Variants in ASB3 observed in about 807,000 individuals in gnomAD.
ASB3 encodes the protein ankyrin repeat and SOCS box protein 3.
ASB3 carries 41 observed loss-of-function variants against 54.5 expected under a neutral mutation model. The ratio of observed to expected loss-of-function variants is 0.75; its 90% CI spans 0.59 to 0.98. The LOEUF is 0.98. Among genes scored for constraint, ASB3 ranks in the 50% least tolerant of loss-of-function variants. The probability of loss-of-function intolerance (pLI) is 0.00; values close to 1 mark genes in which losing one functional copy is unlikely to be tolerated. For missense variants in ASB3, 733 were observed against 620.0 expected, an observed-to-expected ratio of 1.18 and a Z score of -1.94; for synonymous variants, 266 against 221.2, an observed-to-expected ratio of 1.20 and a Z score of -1.80.
chr2:53,674,910 G>A (rs1042187031), intron 9 of ASB3, among the ~76,000 whole-genome samples: 4 of 151,992 alleles, frequency 2.6e-5, no homozygotes, highest in African/African-American at 9.7e-5. Context: ...AAAACAATAG[G>A]AATGGCCAGT....
chr2:53,767,796 G>A (rs990858760), intron 1 of ASB3: 19 of 1,489,510 alleles, frequency 1.3e-5, no homozygotes, highest in Admixed American at 4.4e-5. Flanking sequence ...CGCCCCGCGC[G>A]GCCGGTTACT....
chr2:53,706,430 G>C (rs376909082), intron 7 of ASB3, among the ~76,000 whole-genome samples: 1 of 152,098 alleles, frequency 6.6e-6, no homozygotes, highest in East Asian at 1.9e-4. Flanking sequence ...CTTTAAAAAG[G>C]AGTCAAAAGG....
chr2:53,712,904 A>G (rs1670186769), intron 7 of ASB3, among the ~76,000 whole-genome samples: 1 of 152,260 alleles, frequency 6.6e-6, no homozygotes, highest in African/African-American at 2.4e-5. Flanking sequence ...AAGGTCAACT[A>G]AAGTAATTAG....
rs112777697 is a variant in ASB3 at position 53,696,639 on chromosome 2, T to C, written c.1239-2625A>G. On this transcript the variant is annotated intron_variant, in intron 8 of 9. Coordinates refer to ENST00000263634, the MANE Select transcript of ASB3 (RefSeq NM_016115.5). ...ATTAAGGATTACTAAAATTGAGTAA[T>C]AGAACTATAGATAGCCCTCCACATC... Among the ~76,000 whole-genome samples the C allele has an allele frequency of 4.6e-3, 706 of 152,216 alleles. 9 individuals are homozygous for C. The highest frequency in any genetic ancestry group is 0.016 in the African/African-American group (674 of 41,526).
chr2:53,732,454 A>G lies in ASB3; in HGVS notation c.356-2884T>C, dbSNP rs139644009. On this transcript the variant is annotated intron_variant, in intron 3 of 9. Transcript: ENST00000263634. ...TGACTGTTAGCAAAAATCATTCTAT[A>G]GCCAGTCCATGACTTGAAGATTATC... Among the ~76,000 whole-genome samples the G allele has an allele frequency of 2.4e-3, 359 of 152,368 alleles. 4 individuals are homozygous for G. Among genetic ancestry groups the G allele is most frequent in the African/African-American group, 8.4e-3 (350 of 41,590 alleles).
chr2:53,716,809 A>C, intron 5 of ASB3, 66 bp from the exon 6 acceptor site: 1 of 1,503,580 alleles, frequency 6.7e-7, no homozygotes, highest in Non-Finnish European at 8.9e-7. Flanking sequence ...CACAAATTTC[A>C]AAGGAACTAC....
intron 7 of ASB3, among the ~76,000 whole-genome samples, chr2:53,704,537 C>A (rs1669666985): frequency 6.6e-6 from 1 of 152,034 alleles, no homozygotes; most frequent in Non-Finnish European, 1.5e-5. Context: ...TAACCAAAAA[C>A]ATATTTTTCA....
At chr2:53,725,015 C>T (rs1041772142) in intron 5 of ASB3, among the ~76,000 whole-genome samples, 10 of 152,158 alleles carry the variant, frequency 6.6e-5, no homozygotes, top group African/African-American at 2.4e-4. Flanking sequence ...ATAGCAAAGA[C>T]ATGGAATCAA....
chr2:53,783,263 G>C (rs1376983077), intron 1 of ASB3, among the ~76,000 whole-genome samples: 2 of 151,968 alleles, frequency 1.3e-5, no homozygotes, highest in African/African-American at 4.8e-5. Context: ...TAGAAACTGT[G>C]GGGAAAAAAC....
chr2:53,681,754 TA>T (rs1558513270), intron 9 of ASB3, among the ~76,000 whole-genome samples: 1 of 152,194 alleles, frequency 6.6e-6, no homozygotes. Context: ...CTGTTTTAGT[TA>T]CTATGGCTTT....
chr2:53,698,838 T>A (rs1362240136), intron 8 of ASB3, among the ~76,000 whole-genome samples: 1 of 152,172 alleles, frequency 6.6e-6, no homozygotes, highest in Non-Finnish European at 1.5e-5. Flanking sequence ...CCCTTAACAC[T>A]CCATTTACGG....
chr2:53,703,491 T>C (rs984705907), intron 7 of ASB3, among the ~76,000 whole-genome samples: 7 of 152,260 alleles, frequency 4.6e-5, no homozygotes, highest in Non-Finnish European at 7.4e-5. Context: ...TGGGGCACCT[T>C]AGGAGGCCAA....
chr2:53,728,605 C>G (rs1249567928), intron 5 of ASB3, 107 bp downstream of exon 5: 14 of 1,336,346 alleles, frequency 1.0e-5, no homozygotes, highest in Middle Eastern at 2.4e-4. Context: ...TACATAAAAC[C>G]ATAAATTTCA....
chr2:53,751,074 TA>T (rs1282579181), intron 2 of ASB3, 133 bp from the exon 3 acceptor site: 1 of 1,115,880 alleles, frequency 9.0e-7, no homozygotes, highest in Non-Finnish European at 1.2e-6. Context: ...TTTCACCATT[TA>T]AAACTATAGA....
At chr2:53,709,839 C>A (rs1669990996) in intron 7 of ASB3, among the ~76,000 whole-genome samples, 1 of 152,102 alleles carries the variant, frequency 6.6e-6, no homozygotes, top group Non-Finnish European at 1.5e-5. Context: ...GAGGTGACAG[C>A]CATAATTTCA....
chr2:53,768,104 A>T lies in ASB3; in HGVS notation c.-13-2519T>A, dbSNP rs1045060078. 9.9e-6 allele frequency: 15 copies of T among 1,512,254 alleles called. No individual in the cohort carries two copies. The African/African-American group carries it at 1.8e-4, about 18-fold the overall frequency. 93.7% of individuals were successfully genotyped at this position (1,512,254 alleles called of 1,614,324 possible). A position where few individuals can be genotyped will look rare whatever the true frequency, so the allele number is the denominator to read the frequency against. ...CACACACAGCACCCACACCCTAGAG[A>T]ACCACACCTTAGCGCTTCATGGGGC... is the stretch of plus-strand genomic sequence containing the variant. On this transcript the variant is annotated intron_variant, in intron 1 of 9. Coordinates refer to ENST00000263634, the MANE Select transcript of ASB3 (RefSeq NM_016115.5).
chr2:53,759,485 A>G (rs1673020115), intron 2 of ASB3, among the ~76,000 whole-genome samples: 1 of 152,192 alleles, frequency 6.6e-6, no homozygotes, highest in African/African-American at 2.4e-5. Context: ...AGTCCGCCTT[A>G]GGCCCGGAGC....
chr2:53,769,799 G>A (rs11891254), intron 1 of ASB3, among the ~76,000 whole-genome samples: 2,458 of 152,166 alleles, frequency 0.016, 60 homozygotes, highest in African/African-American at 0.054. Flanking sequence ...CTGAGATTGC[G>A]CCACTGCACT....
At chr2:53,751,659 T>C (rs1672520461) in intron 2 of ASB3, among the ~76,000 whole-genome samples, 1 of 151,946 alleles carries the variant, frequency 6.6e-6, no homozygotes, top group Non-Finnish European at 1.5e-5. Flanking sequence ...AGAGCTGGAA[T>C]AAACTAAACA....
Sources: gnomAD v4.1 joint callset for allele counts (sites outside exome capture counted in the v4.1 genomes callset) on GRCh38, gnomAD v4.1.1 for gene constraint, MANE v1.5 for transcripts, NCBI Gene and HGNC (gene_info 2026-07-23, HGNC 2026-07-21) for gene names.